RBFOX3: variants seen among roughly 807,000 people sequenced by gnomAD.
RBFOX3 encodes RNA binding fox-1 homolog 3.
Under a neutral mutation model 48.7 loss-of-function variants are expected in RBFOX3, and 17 were observed. That is an observed-to-expected ratio of 0.35 (90% CI 0.24 to 0.52). The LOEUF (loss-of-function observed/expected upper bound fraction) is 0.52. Among genes scored for constraint, RBFOX3 ranks in the 20% least tolerant of loss-of-function variants. RBFOX3 has a pLI of 0.94. For missense variants in RBFOX3, 382 were observed against 497.5 expected, an observed-to-expected ratio of 0.77 and a Z score of 2.21; for synonymous variants, 212 against 209.5, an observed-to-expected ratio of 1.01 and a Z score of -0.10.
chr17:79,275,157 C>CTCT (rs2068545229), intron 3 of RBFOX3, among the ~76,000 whole-genome samples: 1 of 113,730 alleles, frequency 8.8e-6, no homozygotes, highest in African/African-American at 3.0e-5. Flanking sequence ...TCTCTGTCTC[C>CTCT]CTCCCTATCT....
At chr17:79,656,671 AAGAAGGAAGGAG>A in the RBFOX3 span, among the ~76,000 whole-genome samples, 1 of 129,828 alleles carries the variant, frequency 7.7e-6, no homozygotes, top group Non-Finnish European at 1.6e-5. Context: ...GAAGAAAGGA[AAGAAGGAAGGAG>A]GGAAGGAAGG....
intron 2 of RBFOX3, among the ~76,000 whole-genome samples, chr17:79,404,567 C>T (rs559875719): frequency 8.4e-4 from 128 of 152,290 alleles, no homozygotes; most frequent in African/African-American, 1.1e-3. Flanking sequence ...TCAGCCCCGG[C>T]GCCCTCTCCT....
chr17:79,507,117 C>A (rs1336162363), intron 1 of RBFOX3, among the ~76,000 whole-genome samples: 2 of 152,088 alleles, frequency 1.3e-5, no homozygotes, highest in Non-Finnish European at 2.9e-5. Flanking sequence ...TGATGGCAGA[C>A]CCCCGGGGGA....
At chr17:79,583,330 TAG>T (rs1170200117) in intron 1 of RBFOX3, among the ~76,000 whole-genome samples, 1 of 152,112 alleles carries the variant, frequency 6.6e-6, no homozygotes, top group African/African-American at 2.4e-5. Context: ...GTTTAGTCTT[TAG>T]AGAGTGAGCG....
intron 2 of RBFOX3, among the ~76,000 whole-genome samples, chr17:79,349,924 C>T (rs910469933): frequency 2.0e-5 from 3 of 152,178 alleles, no homozygotes; most frequent in Admixed American, 6.5e-5. Context: ...GCCTAGGCCA[C>T]GTGGCCCACA....
chr17:79,613,159 T>C (rs1234349517), upstream of RBFOX3, among the ~76,000 whole-genome samples: 1 of 152,238 alleles, frequency 6.6e-6, no homozygotes, highest in Non-Finnish European at 1.5e-5. Context: ...GGGGACGTTC[T>C]GGAAGAGCTC....
chr17:79,428,051 T>A (rs946476551), intron 2 of RBFOX3, among the ~76,000 whole-genome samples: 28 of 152,200 alleles, frequency 1.8e-4, no homozygotes, highest in African/African-American at 6.5e-4. Flanking sequence ...AATGTCCAGG[T>A]CAACCCCTAC....
chr17:79,629,199 A>G, the RBFOX3 span, among the ~76,000 whole-genome samples: 1 of 152,164 alleles, frequency 6.6e-6, no homozygotes, highest in Non-Finnish European at 1.5e-5. Flanking sequence ...AACCTGAAGA[A>G]ATAATCAACC....
At chr17:79,147,245 G>A (rs979076301) in intron 4 of RBFOX3, among the ~76,000 whole-genome samples, 4 of 152,244 alleles carry the variant, frequency 2.6e-5, no homozygotes, top group African/African-American at 7.2e-5. Flanking sequence ...TGGCCTTCTG[G>A]AGGAGGCAGG....
Position 79,400,399 on chromosome 17 carries a change from C to T in RBFOX3, c.-175+82055G>A, listed in dbSNP as rs565579155. ...CGGGGCCTTTTCCTGTATGTGTCTT[C>T]ACACGGCGTTTTTGTCTTCCTACAA... On this transcript the variant is annotated intron_variant, in intron 2 of 14. Coordinates refer to ENST00000693108, the MANE Select transcript of RBFOX3 (RefSeq NM_001350451.2). 1.1e-3 allele frequency among the ~76,000 whole-genome samples: 168 copies of T among 152,332 alleles called. 1 individual carries two copies. Among genetic ancestry groups the T allele is most frequent in the Admixed American group, 3.5e-3 (54 of 15,302 alleles).
the RBFOX3 span, among the ~76,000 whole-genome samples, chr17:79,664,350 T>TC: frequency 4.2e-4 from 33 of 78,452 alleles, no homozygotes; most frequent in South Asian, 9.5e-3. Context: ...AATTTTTGTA[T>TC]TTTTTTTTTT....
At chr17:79,568,223 C>A (rs1599176796) in intron 1 of RBFOX3, among the ~76,000 whole-genome samples, 1 of 152,162 alleles carries the variant, frequency 6.6e-6, no homozygotes, top group East Asian at 1.9e-4. Flanking sequence ...CACTAAGCAA[C>A]ACTATGCTGT....
intron 1 of RBFOX3, among the ~76,000 whole-genome samples, chr17:79,570,931 A>C (rs1238289574): frequency 6.6e-6 from 1 of 152,224 alleles, no homozygotes; most frequent in Admixed American, 6.5e-5. Context: ...TGTAAACCAC[A>C]GATAAGAGAC....
At chr17:79,232,605 A>G (rs1388422178) in intron 4 of RBFOX3, among the ~76,000 whole-genome samples, 3 of 152,268 alleles carry the variant, frequency 2.0e-5, no homozygotes, top group Admixed American at 1.3e-4. Flanking sequence ...ACCTCAATCT[A>G]TAGCTTGCCC....
chr17:79,221,185 T>C (rs1180466122), intron 4 of RBFOX3, among the ~76,000 whole-genome samples: 1 of 152,170 alleles, frequency 6.6e-6, no homozygotes, highest in Non-Finnish European at 1.5e-5. Flanking sequence ...CTCTGGCCAG[T>C]GCCACCCATG....
At chr17:79,405,275 A>G (rs56166109) in intron 2 of RBFOX3, among the ~76,000 whole-genome samples, 9,089 of 152,148 alleles carry the variant, frequency 0.06, 532 homozygotes, top group African/African-American at 0.15. Flanking sequence ...ATCTGAGCCC[A>G]TCTCCACCCT....
At chr17:79,624,085 C>T in the RBFOX3 span, among the ~76,000 whole-genome samples, 1 of 152,208 alleles carries the variant, frequency 6.6e-6, no homozygotes, top group East Asian at 1.9e-4. Flanking sequence ...CAGTGTCGGA[C>T]TTCTGACCTC....
intron 4 of RBFOX3, among the ~76,000 whole-genome samples, chr17:79,157,206 C>G (rs1407199562): frequency 2.6e-5 from 4 of 152,202 alleles, no homozygotes; most frequent in Non-Finnish European, 4.4e-5. Flanking sequence ...GTCTCCCACC[C>G]CAGGGGCCCC....
chr17:79,513,720 T>C (rs1443192473), intron 1 of RBFOX3, among the ~76,000 whole-genome samples: 4 of 152,290 alleles, frequency 2.6e-5, no homozygotes, highest in East Asian at 1.9e-4. Context: ...CCGCACAAGC[T>C]TGCCTACCAG....
Sources: allele counts gnomAD v4.1 joint callset (sites outside exome capture counted in the v4.1 genomes callset), GRCh38; gene constraint gnomAD v4.1.1; transcripts MANE v1.5; gene names NCBI Gene and HGNC (gene_info 2026-07-23, HGNC 2026-07-21).